Variants in HYOU1 observed in about 807,000 individuals in gnomAD.
HYOU1 encodes hypoxia up-regulated protein 1.
A neutral mutation model predicts 120.5 loss-of-function variants in HYOU1; 40 were observed. The ratio of observed to expected loss-of-function variants is 0.33; its 90% CI spans 0.26 to 0.43. The LOEUF is 0.43. Among genes scored for constraint, HYOU1 ranks in the 20% least tolerant of loss-of-function variants. The pLI is 1.00. For synonymous variants in HYOU1, 501 were observed against 479.4 expected, an observed-to-expected ratio of 1.05 and a Z score of -0.59; for missense variants, 1,085 against 1,278.3, an observed-to-expected ratio of 0.85 and a Z score of 2.31.
rs2133612956 is a variant in HYOU1 at position 119,055,365 on chromosome 11, A to G, written c.265-26T>C. The G allele has an allele frequency of 6.2e-7, 1 of 1,610,270 alleles. No homozygotes were observed. Among genetic ancestry groups the G allele is most frequent in the Admixed American group, 1.7e-5 (1 of 59,826 alleles). ...CTGAGGGGTGAAGAAGGAGCAGACT[A>G]GTATTAGGCTCCCAAGTCCACCATT... On this transcript the variant is annotated intron_variant, in intron 4 of 25. Coordinates refer to ENST00000617285, the MANE Select transcript of HYOU1 (RefSeq NM_006389.5). The surrounding 1 kb of genome is among the most constrained non-coding windows in gnomAD (Gnocchi z 4.0).
In HYOU1 at chr11:119,052,764, A is replaced by G; in HGVS notation, c.860T>C (p.Phe287Ser). 2.5e-6 allele frequency: 4 copies of G among 1,614,214 alleles called. No individual in the cohort carries two copies. Among genetic ancestry groups the G allele is most frequent in the Non-Finnish European group, 3.4e-6 (4 of 1,180,038 alleles). The change falls in exon 9 of 26, where the codon TTC (phenylalanine) becomes TCC (serine). Residue 287 changes from phenylalanine to serine, a missense_variant. Around this residue, in one of 4 missense-constraint regions of HYOU1, gnomAD observed 515 missense variants for 677.8 expected, o/e 0.76. Transcript: ENST00000617285. This position sits in a 1 kb window ranked among gnomAD's most constrained non-coding sequence, Gnocchi z 5.0. ...TCTCTGACCCTTGCGCTGCTCATTG[A>G]AAAGCCCAGCCAGGCGTTCTCGAAG... is the stretch of plus-strand genomic sequence containing the variant. The part of the protein sequence containing the change: ...LRLRERLAGL[F>S]NEQRKGQRAK...
rs1592136157 is a variant in HYOU1 at position 119,048,089 on chromosome 11, T to C, written c.2377-9A>G. 9 of 1,614,008 alleles carry C rather than the reference T, an allele frequency of 5.6e-6. No individual in the cohort carries two copies. Among genetic ancestry groups the C allele is most frequent in the Middle Eastern group, 1.7e-4 (1 of 5,900 alleles). ...AGCTTCTCCTTCAACATCTGATGGA[T>C]GTGCGATTGGGCAGAGGGGTGGAAG... is the stretch of plus-strand genomic sequence containing the variant. On this transcript the variant is annotated splice_polypyrimidine_tract_variant and intron_variant, in intron 20 of 25. Coordinates refer to ENST00000617285, the MANE Select transcript of HYOU1 (RefSeq NM_006389.5). The surrounding 1 kb of genome is among the most constrained non-coding windows in gnomAD (Gnocchi z 4.7).
chr11:119,053,513 T>C (rs1365862281), intron 8 of HYOU1: 1 of 152,480 alleles, frequency 6.6e-6, no homozygotes, highest in Non-Finnish European at 1.5e-5. Flanking sequence ...GGGAAAGTTA[T>C]GGAGCCAGCG....
intron 8 of HYOU1, 140 bp downstream of exon 8, chr11:119,053,981 G>T (rs187537855): frequency 5.3e-5 from 32 of 605,856 alleles, no homozygotes; most frequent in Non-Finnish European, 5.9e-6. Flanking sequence ...TTTGTGAGTG[G>T]TCCCCTACAA....
Position 119,052,595 on chromosome 11 carries a change from A to G in HYOU1, c.987+42T>C. 1.3e-6 allele frequency: 2 copies of G among 1,584,776 alleles called. No individual in the cohort carries two copies. The highest frequency in any genetic ancestry group is 1.7e-6 in the Non-Finnish European group (2 of 1,162,482). ...TCAGTGGCAGGGTCCCCCACCCTCT[A>G]CGTGGGACAAAATATAGCCTCAACC... On this transcript the variant is annotated intron_variant, in intron 9 of 25. Coordinates refer to ENST00000617285, the MANE Select transcript of HYOU1 (RefSeq NM_006389.5). This position sits in a 1 kb window ranked among gnomAD's most constrained non-coding sequence, Gnocchi z 5.0.
In HYOU1 at chr11:119,045,499, G is replaced by A; in HGVS notation, c.*94C>T. 9.0e-7 allele frequency: 1 copy of A among 1,109,952 alleles called. No individual in the cohort carries two copies. Among genetic ancestry groups the A allele is most frequent in the Non-Finnish European group, 1.4e-6 (1 of 722,916 alleles). 68.8% of individuals were successfully genotyped at this position (1,109,952 alleles called of 1,614,324 possible). ...GGGTGAGAAAGGAACTCCAGCCGAG[G>A]GCAGGACCAACCCCTCCCCCAACCC... On this transcript the variant is annotated 3_prime_UTR_variant, in exon 26 of 26. Transcript: ENST00000617285.
chr11:119,056,625 T>C (rs1305365917), intron 1 of HYOU1, among the ~76,000 whole-genome samples: 1 of 152,198 alleles, frequency 6.6e-6, no homozygotes, highest in Non-Finnish European at 1.5e-5. Context: ...GTAATGACGT[T>C]GGGGGTAGCT....
chr11:119,045,223 A>G lies in HYOU1; in HGVS notation c.*370T>C. The stretch of plus-strand genomic sequence containing the variant: ...AGGAACAATCACCAGAGAAGAGTGG[A>G]AACTCCCCAGCAACCTGATACCCTT... On this transcript the variant is annotated 3_prime_UTR_variant, in exon 26 of 26. Coordinates refer to ENST00000617285, the MANE Select transcript of HYOU1 (RefSeq NM_006389.5). 1 of 473,434 alleles carries G rather than the reference A, an allele frequency of 2.1e-6. No homozygotes were observed. Among genetic ancestry groups the G allele is most frequent in the Non-Finnish European group, 4.2e-6 (1 of 235,850 alleles). The allele number at this position is 473,434 out of a possible 1,614,324, so 29.3% of individuals were successfully genotyped here.
intron 16 of HYOU1, 23 bp from the exon 17 acceptor site, chr11:119,049,226 C>G (rs2133570828): frequency 6.3e-7 from 1 of 1,587,972 alleles, no homozygotes; most frequent in Non-Finnish European, 8.6e-7. Flanking sequence ...ACAGGCGCCC[C>G]AGGGAACGAT....
At position 119,056,086 on chromosome 11, in the gene HYOU1, G is replaced by T; in HGVS notation, c.75C>A (p.Asp25Glu). Residue 25 changes from aspartate (D) to glutamate (E), a missense_variant, in exon 2 of 26, where the codon GAC becomes GAA. Physicochemically the swap from Asp to Glu is conservative, Grantham distance 45. Coordinates refer to ENST00000617285, the MANE Select transcript of HYOU1 (RefSeq NM_006389.5). Reference sequence around the variant, plus strand: ...GGTACATACCACTCAGTGCCAACAGGTCTGCCAAGAGCACAGCCACCAAGG... The same window carrying T: ...GGTACATACCACTCAGTGCCAACAGTTCTGCCAAGAGCACAGCCACCAAGG... The part of the protein sequence containing the change: ...CWALVAVLLA[D>E]LLALSDTLAV... The T allele has an allele frequency of 1.9e-6, 3 of 1,613,982 alleles. 1 individual carries two copies. In the South Asian group the frequency reaches 3.3e-5, roughly 18 times the overall value.
Position 119,055,234 on chromosome 11 carries a change from C to T in HYOU1, c.370G>A (p.Glu124Lys), listed in dbSNP as rs1944682120. ...ALYQARFPEH[E>K]LTFDPQRQTV... is the part of the protein sequence containing the mutation. ...TGCCTCTGTGGGTCGAAAGTCAGCTCGTGCTCCGGGAAGCGGGCCTGGTAA... is the reference window on the plus strand; with the variant it reads ...TGCCTCTGTGGGTCGAAAGTCAGCTTGTGCTCCGGGAAGCGGGCCTGGTAA... Residue 124 changes from glutamate (E) to lysine (K), a missense_variant, in exon 5 of 26, where the codon GAG becomes AAG. By Grantham distance (56) the Glu-to-Lys change is moderately conservative. This residue lies in a region of HYOU1 where 515 missense variants were observed against 677.8 expected (regional missense o/e 0.76). Coordinates refer to ENST00000617285, the MANE Select transcript of HYOU1 (RefSeq NM_006389.5). This position sits in a 1 kb window ranked among gnomAD's most constrained non-coding sequence, Gnocchi z 4.0. The T allele has an allele frequency of 3.1e-6, 5 of 1,614,046 alleles. No homozygotes were observed. The highest frequency in any genetic ancestry group is 2.2e-5 in the South Asian group (2 of 91,076).
In HYOU1 at chr11:119,044,961, A is replaced by T. The variant is rs1192250468; in HGVS notation, c.*632T>A. 2 of 350,018 alleles carry T rather than the reference A, an allele frequency of 5.7e-6. No individual in the cohort carries two copies. The highest frequency in any genetic ancestry group is 1.2e-5 in the Non-Finnish European group (2 of 169,084). The allele number at this position is 350,018 out of a possible 1,614,324, so 21.7% of individuals were successfully genotyped here. ...CTTCCAGATTTACTTCCGCCAATCC[A>T]GAGGTACAGGCTTTTAGGCAAGGGG... On this transcript the variant is annotated 3_prime_UTR_variant, in exon 26 of 26. Transcript: ENST00000617285.
intron 22 of HYOU1, chr11:119,047,061 CT>C (rs1044662743): frequency 0.07 from 22,723 of 323,692 alleles, no homozygotes; most frequent in South Asian, 0.099. Flanking sequence ...TTGAATAGTC[CT>C]TTTTTTTTTT....
Position 119,045,649 on chromosome 11 carries a change from C to A in HYOU1, c.2944G>T (p.Glu982Ter). ...TGTCCTGTCGATTGTTCTTTCTGTTCAGGTTCTGTTGGGAGTTTGGGGGAG... is the reference window on the plus strand; with the variant it reads ...TGTCCTGTCGATTGTTCTTTCTGTTAAGGTTCTGTTGGGAGTTTGGGGGAG... ...LELGGPGAEPEQKEQSTGQKR... is the reference protein window; with the variant it reads ...LELGGPGAEP The change falls in exon 26 of 26, where the codon GAA becomes TAA. Residue 982 changes from glutamate (E) to a stop codon, truncating the protein, a stop_gained. Coordinates refer to ENST00000617285, the MANE Select transcript of HYOU1 (RefSeq NM_006389.5). LOFTEE classifies it high-confidence loss of function. 5 of 1,614,146 alleles carry A rather than the reference C, an allele frequency of 3.1e-6. No individual in the cohort carries two copies. Among genetic ancestry groups the A allele is most frequent in the Non-Finnish European group, 4.2e-6 (5 of 1,180,032 alleles).
In HYOU1 at chr11:119,048,172, G is replaced by C; in HGVS notation, c.2376+76C>G. ...TCCTTCTTTATGGGCTCAAGCCCCAGCTCTTCTCTCTCTCTGACCCTGGGA... is the reference window on the plus strand; with the variant it reads ...TCCTTCTTTATGGGCTCAAGCCCCACCTCTTCTCTCTCTCTGACCCTGGGA... On this transcript the variant is annotated intron_variant, in intron 20 of 25. Coordinates refer to ENST00000617285, the MANE Select transcript of HYOU1 (RefSeq NM_006389.5). The surrounding 1 kb of genome is among the most constrained non-coding windows in gnomAD (Gnocchi z 4.7). 6.2e-7 allele frequency: 1 copy of C among 1,609,294 alleles called. No individual in the cohort carries two copies.
chr11:119,051,159 T>A lies in HYOU1; in HGVS notation c.1541A>T (p.Gln514Leu). The A allele has an allele frequency of 6.2e-7, 1 of 1,614,240 alleles. No individual in the cohort carries two copies. Among genetic ancestry groups the A allele is most frequent in the African/African-American group, 1.3e-5 (1 of 75,058 alleles). ...GPEDLRVFGSQNLTTVKLKGV... is the reference protein window; with the variant it reads ...GPEDLRVFGSLNLTTVKLKGV... ...TTTTAGCTTCACTGTGGTCAGATTCTGGGAGCCAAATACCCTGGTTGGGAA... is the reference window on the plus strand; with the variant it reads ...TTTTAGCTTCACTGTGGTCAGATTCAGGGAGCCAAATACCCTGGTTGGGAA... The change falls in exon 14 of 26, where the codon CAG (glutamine) becomes CTG (leucine). Residue 514 changes from glutamine to leucine, a missense_variant. By Grantham distance (113) the Gln-to-Leu change is moderately radical. This residue lies in a region of HYOU1 where 515 missense variants were observed against 677.8 expected (regional missense o/e 0.76). Coordinates refer to ENST00000617285, the MANE Select transcript of HYOU1 (RefSeq NM_006389.5). The surrounding 1 kb of genome is among the most constrained non-coding windows in gnomAD (Gnocchi z 4.2).
In HYOU1 at chr11:119,051,355, C is replaced by A. The variant is rs1199741745; in HGVS notation, c.1526+83G>T. ...TGTTTCAGCCCCGCAGGCCCACATCCTCCCTCACCCCCAGTCCTCAGATTA... is the reference window on the plus strand; with the variant it reads ...TGTTTCAGCCCCGCAGGCCCACATCATCCCTCACCCCCAGTCCTCAGATTA... On this transcript the variant is annotated intron_variant, in intron 13 of 25. Coordinates refer to ENST00000617285, the MANE Select transcript of HYOU1 (RefSeq NM_006389.5). This position sits in a 1 kb window ranked among gnomAD's most constrained non-coding sequence, Gnocchi z 4.2. 3 of 1,519,214 alleles carry A rather than the reference C, an allele frequency of 2.0e-6. No individual in the cohort carries two copies. Among genetic ancestry groups the A allele is most frequent in the Admixed American group, 1.8e-5 (1 of 57,084 alleles). 94.1% of individuals were successfully genotyped at this position (1,519,214 alleles called of 1,614,324 possible).
Position 119,051,452 on chromosome 11 carries a change from C to T in HYOU1, c.1512G>A (p.Gly504=). ...CTGCCCCTCACCGAAGATCTTCAGGCCCCAGGAAGCCCAGGTCGCCGTAGT... is the reference window on the plus strand; with the variant it reads ...CTGCCCCTCACCGAAGATCTTCAGGTCCCAGGAAGCCCAGGTCGCCGTAGT... ...HINYGDLGFL[G]PEDLRVFGSQ... is the part of the protein sequence containing the mutation. Residue 504 remains glycine, a synonymous_variant, in exon 13 of 26, where the codon GGG becomes GGA. Transcript: ENST00000617285. This position sits in a 1 kb window ranked among gnomAD's most constrained non-coding sequence, Gnocchi z 4.2. The T allele has an allele frequency of 6.2e-7, 1 of 1,614,048 alleles. No homozygotes were observed. The highest frequency in any genetic ancestry group is 8.5e-7 in the Non-Finnish European group (1 of 1,179,994).
Position 119,047,985 on chromosome 11 carries a change from G to A in HYOU1, c.2472C>T (p.Ala824=), listed in dbSNP as rs2133560051. Residue 824 remains alanine, a synonymous_variant, in exon 21 of 26, where the codon GCC becomes GCT. Coordinates refer to ENST00000617285, the MANE Select transcript of HYOU1 (RefSeq NM_006389.5). The part of the protein sequence containing the change: ...ERKKWPERLS[A]LDNLLNHSSM... ...TGGAATGGTTGAGGAGATTATCGAG[G>A]GCAGACAGCCGTTCGGGCCACTTCT... 4 of 1,614,148 alleles carry A rather than the reference G, an allele frequency of 2.5e-6. No homozygotes were observed. The highest frequency in any genetic ancestry group is 3.4e-6 in the Non-Finnish European group (4 of 1,180,024).
Sources: allele counts gnomAD v4.1 joint callset (sites outside exome capture counted in the v4.1 genomes callset), GRCh38; gene constraint gnomAD v4.1.1; regional missense constraint gnomAD v4.1.1; non-coding constraint Gnocchi (gnomAD v3.1); transcripts MANE v1.5; gene names NCBI Gene and HGNC (gene_info 2026-07-23, HGNC 2026-07-21).